Variants in FNDC10 observed in about 807,000 individuals in gnomAD.
The protein encoded by FNDC10 is fibronectin type III domain-containing protein 10.
FNDC10 carries 8 observed loss-of-function variants against 11.6 expected under a neutral mutation model. That is an observed-to-expected ratio of 0.69 (90% confidence interval 0.41 to 1.25). The LOEUF (loss-of-function observed/expected upper bound fraction) is 1.25, where lower values mean the gene tolerates loss of function less well. Ranked by LOEUF, FNDC10 falls within the 50% of genes most tolerant of loss-of-function variation. The probability of loss-of-function intolerance (pLI) is 0.01; values close to 1 mark genes in which losing one functional copy is unlikely to be tolerated. For missense variants in FNDC10, 308 were observed against 330.2 expected, an observed-to-expected ratio of 0.93 and a Z score of 0.52; for synonymous variants, 187 against 162.9, an observed-to-expected ratio of 1.15 and a Z score of -1.12.
At position 1,598,039 on chromosome 1, in the gene FNDC10, C is replaced by T. The variant is rs1643066989; in HGVS notation, c.*1296G>A. 1 of 152,304 alleles carries T rather than the reference C, an allele frequency of 6.6e-6. No individual in the cohort carries two copies. Among genetic ancestry groups the T allele is most frequent in the Admixed American group, 6.5e-5 (1 of 15,292 alleles). The allele number at this position is 152,304 out of a possible 1,614,324, so 9.4% of individuals were successfully genotyped here. On this transcript the variant is annotated 3_prime_UTR_variant, in exon 1 of 1. Coordinates refer to ENST00000422725, the MANE Select transcript of FNDC10 (RefSeq NM_001242659.2). ...GGTCTGAGAATGATGGACATTTAGA[C>T]ACTGGCGCCAGGTTTGCGCCTGACC... is the stretch of plus-strand genomic sequence containing the variant.
In FNDC10 at chr1:1,599,418, C is replaced by G. The variant is rs1188833401; in HGVS notation, c.598G>C (p.Val200Leu). The G allele has an allele frequency of 6.5e-7, 1 of 1,534,258 alleles. No homozygotes were observed. The highest frequency in any genetic ancestry group is 8.7e-7 in the Non-Finnish European group (1 of 1,146,238). The change falls in exon 1 of 1, where the codon GTC becomes CTC. Residue 200 changes from valine (V) to leucine (L), a missense_variant. Coordinates refer to ENST00000422725, the MANE Select transcript of FNDC10 (RefSeq NM_001242659.2). The surrounding 1 kb of genome is among the most constrained non-coding windows in gnomAD (Gnocchi z 6.7). ...ATGTAGGCCACCAGCAGGCAGATGA[C>G]CACCAGCATGACGCAGATGGAGCCG... ...VGGSICVMLVVICLLVAYITE... is the reference protein window; with the variant it reads ...VGGSICVMLVLICLLVAYITE...
At position 1,599,277 on chromosome 1, in the gene FNDC10, C is replaced by A. The variant is rs1643082182; in HGVS notation, c.*58G>T. ...GAGGAGAGGAGAGCGGGCGGAGGACCTGGGAGCTCAGGCGCCCTCAGGCAG... is the reference window on the plus strand; with the variant it reads ...GAGGAGAGGAGAGCGGGCGGAGGACATGGGAGCTCAGGCGCCCTCAGGCAG... On this transcript the variant is annotated 3_prime_UTR_variant, in exon 1 of 1. Coordinates refer to ENST00000422725, the MANE Select transcript of FNDC10 (RefSeq NM_001242659.2). This position sits in a 1 kb window ranked among gnomAD's most constrained non-coding sequence, Gnocchi z 6.7. 4.9e-6 allele frequency: 7 copies of A among 1,415,338 alleles called. No individual in the cohort carries two copies. The highest frequency in any genetic ancestry group is 6.5e-6 in the Non-Finnish European group (7 of 1,080,882). 87.7% of individuals were successfully genotyped at this position (1,415,338 alleles called of 1,614,324 possible).
At position 1,598,103 on chromosome 1, in the gene FNDC10, T is replaced by A. The variant is rs899202301; in HGVS notation, c.*1232A>T. ...GGTGGGCGGAGCAAAGACACACAGGTGGGCTACAGGTGTCACACGGCACCA... is the reference window on the plus strand; with the variant it reads ...GGTGGGCGGAGCAAAGACACACAGGAGGGCTACAGGTGTCACACGGCACCA... On this transcript the variant is annotated 3_prime_UTR_variant, in exon 1 of 1. Transcript: ENST00000422725. 6.6e-6 allele frequency: 1 copy of A among 152,272 alleles called. No individual in the cohort carries two copies. The highest frequency in any genetic ancestry group is 2.4e-5 in the African/African-American group (1 of 41,412). The allele number at this position is 152,272 out of a possible 1,614,324, so 9.4% of individuals were successfully genotyped here.
Position 1,599,069 on chromosome 1 carries a change from G to A in FNDC10, c.*266C>T. On this transcript the variant is annotated 3_prime_UTR_variant, in exon 1 of 1. Transcript: ENST00000422725. This position sits in a 1 kb window ranked among gnomAD's most constrained non-coding sequence, Gnocchi z 6.7. ...CCATGCCCTGGCCGCCTCTATAAAG[G>A]CCTGCGGAGAGCGGGGAGAGCCCTG... The A allele has an allele frequency of 3.8e-6, 2 of 519,846 alleles. No individual in the cohort carries two copies. Among genetic ancestry groups the A allele is most frequent in the Non-Finnish European group, 6.7e-6 (2 of 296,934 alleles). The allele number at this position is 519,846 out of a possible 1,614,324, so 32.2% of individuals were successfully genotyped here. A position where few individuals can be genotyped will look rare whatever the true frequency, so the allele number is the denominator to read the frequency against.
In FNDC10 at chr1:1,599,203, G is replaced by A. The variant is rs1349756452; in HGVS notation, c.*132C>T. On this transcript the variant is annotated 3_prime_UTR_variant, in exon 1 of 1. Transcript: ENST00000422725. This position sits in a 1 kb window ranked among gnomAD's most constrained non-coding sequence, Gnocchi z 6.7. The stretch of plus-strand genomic sequence containing the variant: ...GTGATGATGCCAAAGTGCCGGAGCC[G>A]TCGCCGGCAGGTCCTCCTCCGCGGG... The A allele has an allele frequency of 6.8e-6, 6 of 886,986 alleles. No individual in the cohort carries two copies. The East Asian group carries it at 1.2e-4, about 18-fold the overall frequency. The allele number at this position is 886,986 out of a possible 1,614,324, so 54.9% of individuals were successfully genotyped here.
Position 1,599,762 on chromosome 1 carries a change from C to T in FNDC10, c.254G>A (p.Arg85His). ...CCACTGCAGGAGGACGCTGCGGTTG[C>T]GCAGGACGCTGGCGCGCAGGGAGCG... ...AGRSLRASVL[R>H]NRSVLLQWRL... Residue 85 changes from arginine to histidine, a missense_variant, in exon 1 of 1, where the codon CGC becomes CAC. Transcript: ENST00000422725. The surrounding 1 kb of genome is among the most constrained non-coding windows in gnomAD (Gnocchi z 6.7). The T allele has an allele frequency of 1.6e-6, 2 of 1,279,816 alleles. No individual in the cohort carries two copies. The allele number at this position is 1,279,816 out of a possible 1,614,324, so 79.3% of individuals were successfully genotyped here. A position where few individuals can be genotyped will look rare whatever the true frequency, so the allele number is the denominator to read the frequency against.
Position 1,599,814 on chromosome 1 carries a change from C to T in FNDC10, c.202G>A (p.Gly68Ser). Reference sequence around the variant, plus strand: ...CCGGCCGGGGCGTGCAGCACGCAGCCCGGAGCCTGGCAGCGGAAGCCGCGC... The same window carrying T: ...CCGGCCGGGGCGTGCAGCACGCAGCTCGGAGCCTGGCAGCGGAAGCCGCGC... The part of the protein sequence containing the change: ...PARGFRCQAP[G>S]CVLHAPAGRS... The change falls in exon 1 of 1, where the codon GGC becomes AGC. Residue 68 changes from glycine (G) to serine (S), a missense_variant. Physicochemically the swap from Gly to Ser is moderately conservative, Grantham distance 56 (BLOSUM62 0). Transcript: ENST00000422725. The surrounding 1 kb of genome is among the most constrained non-coding windows in gnomAD (Gnocchi z 6.7). The T allele has an allele frequency of 8.6e-7, 1 of 1,157,410 alleles. No individual in the cohort carries two copies. 71.7% of individuals were successfully genotyped at this position (1,157,410 alleles called of 1,614,324 possible).
chr1:1,599,074 C>T lies in FNDC10; in HGVS notation c.*261G>A, dbSNP rs958178206. The T allele has an allele frequency of 1.5e-5, 8 of 521,392 alleles. 1 individual carries two copies. The highest frequency in any genetic ancestry group is 3.7e-5 in the Admixed American group (1 of 26,824). The allele number at this position is 521,392 out of a possible 1,614,324, so 32.3% of individuals were successfully genotyped here. A position where few individuals can be genotyped will look rare whatever the true frequency, so the allele number is the denominator to read the frequency against. On this transcript the variant is annotated 3_prime_UTR_variant, in exon 1 of 1. Coordinates refer to ENST00000422725, the MANE Select transcript of FNDC10 (RefSeq NM_001242659.2). The surrounding 1 kb of genome is among the most constrained non-coding windows in gnomAD (Gnocchi z 6.7). ...CCCTGGCCGCCTCTATAAAGGCCTG[C>T]GGAGAGCGGGGAGAGCCCTGGATGC...
In FNDC10 at chr1:1,599,306, G is replaced by A. The variant is rs1375153858; in HGVS notation, c.*29C>T. 1 of 1,462,496 alleles carries A rather than the reference G, an allele frequency of 6.8e-7. No homozygotes were observed. The highest frequency in any genetic ancestry group is 1.3e-5 in the South Asian group (1 of 75,620). The allele number at this position is 1,462,496 out of a possible 1,614,324, so 90.6% of individuals were successfully genotyped here. A position where few individuals can be genotyped will look rare whatever the true frequency, so the allele number is the denominator to read the frequency against. On this transcript the variant is annotated 3_prime_UTR_variant, in exon 1 of 1. Transcript: ENST00000422725. This position sits in a 1 kb window ranked among gnomAD's most constrained non-coding sequence, Gnocchi z 6.7. The stretch of plus-strand genomic sequence containing the variant: ...GAGCTCAGGCGCCCTCAGGCAGGTG[G>A]CGCAAAGATGGGCGGGCGGCCTCGC...
In FNDC10 at chr1:1,599,899, G is replaced by C. The variant is rs1285841713; in HGVS notation, c.117C>G (p.Tyr39Ter). ...CCTCGGGGCCCTCGGGCAGCACCTTGTAGGGGCACCAGGGCGCGTCGGGGG... is the reference window on the plus strand; with the variant it reads ...CCTCGGGGCCCTCGGGCAGCACCTTCTAGGGGCACCAGGGCGCGTCGGGGG... Reference protein sequence around the residue: ...EPTPDAPWCPYKVLPEGPEAG... With the variant: ...EPTPDAPWCP Residue 39 changes from tyrosine (Y) to a stop codon, truncating the protein, a stop_gained, in exon 1 of 1, where the codon TAC (tyrosine) becomes TAG (stop). Coordinates refer to ENST00000422725, the MANE Select transcript of FNDC10 (RefSeq NM_001242659.2). LOFTEE classifies it high-confidence loss of function. The surrounding 1 kb of genome is among the most constrained non-coding windows in gnomAD (Gnocchi z 6.7). The C allele has an allele frequency of 5.9e-6, 6 of 1,010,276 alleles. No homozygotes were observed. Among genetic ancestry groups the C allele is most frequent in the Non-Finnish European group, 7.1e-6 (6 of 848,424 alleles). The allele number at this position is 1,010,276 out of a possible 1,614,324, so 62.6% of individuals were successfully genotyped here.
chr1:1,599,396 T>C lies in FNDC10; in HGVS notation c.620A>G (p.Tyr207Cys). 1 of 1,532,362 alleles carries C rather than the reference T, an allele frequency of 6.5e-7. No individual in the cohort carries two copies. Among genetic ancestry groups the C allele is most frequent in the Non-Finnish European group, 8.7e-7 (1 of 1,145,740 alleles). The allele number at this position is 1,532,362 out of a possible 1,614,324, so 94.9% of individuals were successfully genotyped here. Reference protein sequence around the residue: ...MLVVICLLVAYITENLMRPAL... With the variant: ...MLVVICLLVACITENLMRPAL... ...CGGGCGCATGAGGTTCTCGGTGATG[T>C]AGGCCACCAGCAGGCAGATGACCAC... is the stretch of plus-strand genomic sequence containing the variant. Residue 207 changes from tyrosine (Y) to cysteine (C), a missense_variant, in exon 1 of 1, where the codon TAC becomes TGC. Coordinates refer to ENST00000422725, the MANE Select transcript of FNDC10 (RefSeq NM_001242659.2). The surrounding 1 kb of genome is among the most constrained non-coding windows in gnomAD (Gnocchi z 6.7).
Position 1,599,745 on chromosome 1 carries a change from G to C in FNDC10, c.271C>G (p.Leu91Val). 1.1e-5 allele frequency: 15 copies of C among 1,309,298 alleles called. No homozygotes were observed. Among genetic ancestry groups the C allele is most frequent in the Non-Finnish European group, 1.4e-5 (15 of 1,035,766 alleles). 81.1% of individuals were successfully genotyped at this position (1,309,298 alleles called of 1,614,324 possible). A position where few individuals can be genotyped will look rare whatever the true frequency, so the allele number is the denominator to read the frequency against. ...GCGGCCGGGGCCAGGCGCCACTGCA[G>C]GAGGACGCTGCGGTTGCGCAGGACG... The part of the protein sequence containing the change: ...ASVLRNRSVL[L>V]QWRLAPAAAR... Residue 91 changes from leucine to valine, a missense_variant, in exon 1 of 1, where the codon CTG becomes GTG. Transcript: ENST00000422725. The surrounding 1 kb of genome is among the most constrained non-coding windows in gnomAD (Gnocchi z 6.7).
At position 1,599,692 on chromosome 1, in the gene FNDC10, G is replaced by A. The variant is rs1643088727; in HGVS notation, c.324C>T (p.Leu108=). The A allele has an allele frequency of 3.6e-6, 5 of 1,381,808 alleles. No homozygotes were observed. The highest frequency in any genetic ancestry group is 1.5e-5 in the African/African-American group (1 of 65,142). 85.6% of individuals were successfully genotyped at this position (1,381,808 alleles called of 1,614,324 possible). A position where few individuals can be genotyped will look rare whatever the true frequency, so the allele number is the denominator to read the frequency against. ...TGTAGGCGCCGCGCCACGAGCAGTT[G>A]AGCGCGAAGGCGCGCACGCGGCGCG... ...AAARRVRAFA[L]NCSWRGAYTR... is the part of the protein sequence containing the mutation. Residue 108 remains leucine, a synonymous_variant, in exon 1 of 1, where the codon CTC becomes CTT. Transcript: ENST00000422725. This position sits in a 1 kb window ranked among gnomAD's most constrained non-coding sequence, Gnocchi z 6.7.
chr1:1,599,126 G>A lies in FNDC10; in HGVS notation c.*209C>T, dbSNP rs1458178505. The A allele has an allele frequency of 1.1e-5, 6 of 568,492 alleles. No individual in the cohort carries two copies. Among genetic ancestry groups the A allele is most frequent in the Non-Finnish European group, 1.8e-5 (6 of 328,548 alleles). The allele number at this position is 568,492 out of a possible 1,614,324, so 35.2% of individuals were successfully genotyped here. A position where few individuals can be genotyped will look rare whatever the true frequency, so the allele number is the denominator to read the frequency against. On this transcript the variant is annotated 3_prime_UTR_variant, in exon 1 of 1. Transcript: ENST00000422725. The surrounding 1 kb of genome is among the most constrained non-coding windows in gnomAD (Gnocchi z 6.7). ...GCTGGCACAGCAGCGCAAGCCCAGG[G>A]GCCAATCCGGGGCCAGAGTCTGGGA...
Position 1,599,641 on chromosome 1 carries a change from G to A in FNDC10, c.375C>T (p.Leu125=), listed in dbSNP as rs1042937869. 46 of 1,483,712 alleles carry A rather than the reference G, an allele frequency of 3.1e-5. No homozygotes were observed. Among genetic ancestry groups the A allele is most frequent in the African/African-American group, 4.4e-5 (3 of 68,312 alleles). The allele number at this position is 1,483,712 out of a possible 1,614,324, so 91.9% of individuals were successfully genotyped here. A position where few individuals can be genotyped will look rare whatever the true frequency, so the allele number is the denominator to read the frequency against. The change falls in exon 1 of 1, where the codon CTC becomes CTT. Residue 125 remains leucine, a synonymous_variant. Coordinates refer to ENST00000422725, the MANE Select transcript of FNDC10 (RefSeq NM_001242659.2). This position sits in a 1 kb window ranked among gnomAD's most constrained non-coding sequence, Gnocchi z 6.7. The part of the protein sequence containing the change: ...AYTRFPCERV[L]LGASCRDYLL... Reference sequence around the variant, plus strand: ...GGTAGTCGCGGCAGGAGGCCCCGAGGAGCACGCGCTCGCACGGGAAGCGCG... The same window carrying A: ...GGTAGTCGCGGCAGGAGGCCCCGAGAAGCACGCGCTCGCACGGGAAGCGCG...
chr1:1,598,029 G>C lies in FNDC10; in HGVS notation c.*1306C>G, dbSNP rs1466135093. On this transcript the variant is annotated 3_prime_UTR_variant, in exon 1 of 1. Coordinates refer to ENST00000422725, the MANE Select transcript of FNDC10 (RefSeq NM_001242659.2). The stretch of plus-strand genomic sequence containing the variant: ...CAGCTCTGTTGGTCTGAGAATGATG[G>C]ACATTTAGACACTGGCGCCAGGTTT... 6.6e-6 allele frequency: 1 copy of C among 152,298 alleles called. No homozygotes were observed. The highest frequency in any genetic ancestry group is 1.5e-5 in the Non-Finnish European group (1 of 68,076). 9.4% of individuals were successfully genotyped at this position (152,298 alleles called of 1,614,324 possible). A position where few individuals can be genotyped will look rare whatever the true frequency, so the allele number is the denominator to read the frequency against.
In FNDC10 at chr1:1,600,033, G is replaced by GGGCGC. The variant is rs1220981830; in HGVS notation, c.-23_-19dup. ...GCGCGCATCCTGCGGCGGGGCCACG[G>GGGCGC]GGCGCGGCGCTGGGTCACGCGGGCC... On this transcript the variant is annotated 5_prime_UTR_variant, in exon 1 of 1. Coordinates refer to ENST00000422725, the MANE Select transcript of FNDC10 (RefSeq NM_001242659.2). 28 of 978,086 alleles carry GGGCGC rather than the reference G, an allele frequency of 2.9e-5. No individual in the cohort carries two copies. Among genetic ancestry groups the GGGCGC allele is most frequent in the Non-Finnish European group, 3.1e-5 (26 of 826,518 alleles). The allele number at this position is 978,086 out of a possible 1,614,324, so 60.6% of individuals were successfully genotyped here.
At position 1,598,050 on chromosome 1, in the gene FNDC10, G is replaced by C. The variant is rs984461413; in HGVS notation, c.*1285C>G. On this transcript the variant is annotated 3_prime_UTR_variant, in exon 1 of 1. Coordinates refer to ENST00000422725, the MANE Select transcript of FNDC10 (RefSeq NM_001242659.2). ...GATGGACATTTAGACACTGGCGCCA[G>C]GTTTGCGCCTGACCGGCGCCACGCA... The C allele has an allele frequency of 2.0e-5, 3 of 152,312 alleles. No individual in the cohort carries two copies. Among genetic ancestry groups the C allele is most frequent in the Non-Finnish European group, 2.9e-5 (2 of 68,098 alleles). The allele number at this position is 152,312 out of a possible 1,614,324, so 9.4% of individuals were successfully genotyped here.
rs1455173124 is a variant in FNDC10, at chr1:1,598,625, G to A, written c.*710C>T. 1 of 152,366 alleles carries A rather than the reference G, an allele frequency of 6.6e-6. No homozygotes were observed. Among genetic ancestry groups the A allele is most frequent in the Non-Finnish European group, 1.5e-5 (1 of 68,162 alleles). 9.4% of individuals were successfully genotyped at this position (152,366 alleles called of 1,614,324 possible). The stretch of plus-strand genomic sequence containing the variant: ...GCCCTGGAGAACCACCAGCTGCCCG[G>A]GGTCTGAGAACACTCACCCTGGCCG... On this transcript the variant is annotated 3_prime_UTR_variant, in exon 1 of 1. Transcript: ENST00000422725.
Sources: gnomAD v4.1 joint callset for allele counts on GRCh38, gnomAD v4.1.1 for gene constraint, Gnocchi (gnomAD v3.1) non-coding constraint, MANE v1.5 for transcripts, NCBI Gene and HGNC (gene_info 2026-07-23, HGNC 2026-07-21) for gene names.